HSCB: variants seen among roughly 807,000 people sequenced by gnomAD.
HSCB encodes the protein HscB mitochondrial iron-sulfur cluster cochaperone, also known as iron-sulfur cluster co-chaperone protein HscB.
Under a neutral mutation model 31.3 loss-of-function variants are expected in HSCB, and 23 were observed. The observed-to-expected ratio is 0.74, with a 90% CI of 0.53 to 1.04. The LOEUF (loss-of-function observed/expected upper bound fraction) is 1.04, where lower values mean the gene tolerates loss of function less well. Ranked by LOEUF, HSCB falls within the 50% of genes least tolerant of loss-of-function variation. The pLI, the probability that HSCB is intolerant of heterozygous loss-of-function variation, is 0.00. For synonymous variants in HSCB, 110 were observed against 104.5 expected (o/e 1.05, Z -0.32); for missense variants, 297 against 288.1 (o/e 1.03, Z -0.22).
chr22:28,749,419 A>G (rs2146215320), intron 4 of HSCB, among the ~76,000 whole-genome samples: 1 of 152,198 alleles, frequency 6.6e-6, no homozygotes. Flanking sequence ...AAGCCTTTTT[A>G]AGCTATCTAT....
chr22:28,742,621 T>G, intron 1 of HSCB: 15 of 376,454 alleles, frequency 4.0e-5, no homozygotes, highest in Non-Finnish European at 4.3e-5. Context: ...GAGGGAGATT[T>G]GAGGGGCGGT....
chr22:28,742,486 TC>T (rs1363012627), intron 1 of HSCB, 155 bp downstream of exon 1: 4 of 1,322,978 alleles, frequency 3.0e-6, no homozygotes, highest in Admixed American at 5.7e-5. Context: ...TGTCTTGATT[TC>T]TCAGGAGGAA....
In HSCB at chr22:28,757,422, T is replaced by G. The variant is rs936274470; in HGVS notation, c.*253T>G. ...ATCGCTTAAACCCGTGAGGTGGAGG[T>G]TGCAGTGAGCAGAGATCACGCAACT... is the stretch of plus-strand genomic sequence containing the variant. On this transcript the variant is annotated 3_prime_UTR_variant, in exon 6 of 6. Transcript: ENST00000216027. The G allele has an allele frequency of 1.7e-5, 6 of 343,078 alleles. No homozygotes were observed. The Admixed American group carries it at 1.8e-4, about 10-fold the overall frequency. 21.3% of individuals were successfully genotyped at this position (343,078 alleles called of 1,614,324 possible). A position where few individuals can be genotyped will look rare whatever the true frequency, so the allele number is the denominator to read the frequency against.
At chr22:28,757,014 C>A in intron 5 of HSCB, 64 bp from the exon 6 acceptor site, 1 of 914,146 alleles carries the variant, frequency 1.1e-6, no homozygotes, top group South Asian at 1.3e-5. Flanking sequence ...CTGCCCTAGT[C>A]ATCAGAGTTG....
At chr22:28,752,459 G>T (rs1269404951) in intron 5 of HSCB, among the ~76,000 whole-genome samples, 1 of 150,956 alleles carries the variant, frequency 6.6e-6, no homozygotes, top group African/African-American at 2.4e-5. Context: ...ATTGGGCCGG[G>T]CATGGTTAAT....
At chr22:28,747,871 A>C (rs2029937820) in intron 4 of HSCB, among the ~76,000 whole-genome samples, 2 of 149,732 alleles carry the variant, frequency 1.3e-5, no homozygotes, top group East Asian at 2.0e-4. Context: ...TCCCCTCCCC[A>C]CCTTTCCCCC....
intron 4 of HSCB, among the ~76,000 whole-genome samples, chr22:28,747,624 A>T (rs1226449579): frequency 3.9e-5 from 6 of 152,192 alleles, no homozygotes; most frequent in South Asian, 4.1e-4. Flanking sequence ...TTGATCAAGC[A>T]ACTGGGCACC....
intron 4 of HSCB, among the ~76,000 whole-genome samples, chr22:28,746,310 G>A (rs2146210635): frequency 6.8e-6 from 1 of 147,372 alleles, no homozygotes; most frequent in African/African-American, 2.5e-5. Context: ...GAACCCGAGA[G>A]GCAGAGATTG....
intron 5 of HSCB, among the ~76,000 whole-genome samples, chr22:28,755,568 A>G (rs2030550136): frequency 6.6e-6 from 1 of 152,270 alleles, no homozygotes; most frequent in South Asian, 2.1e-4. Context: ...AGTTTTAACC[A>G]TATATGTACA....
chr22:28,747,907 T>C (rs1454405194), intron 4 of HSCB, among the ~76,000 whole-genome samples: 1 of 151,972 alleles, frequency 6.6e-6, no homozygotes, highest in Admixed American at 6.6e-5. Context: ...CCTCTTAGGC[T>C]GGGTGCAGTG....
intron 3 of HSCB, 28 bp from the exon 4 acceptor site, chr22:28,745,836 T>C (rs1369901795): frequency 1.6e-5 from 26 of 1,581,668 alleles, no homozygotes; most frequent in Non-Finnish European, 2.1e-5. Flanking sequence ...CTTCTTCAAC[T>C]TATTTTTCTT....
rs1394238958 is a variant in HSCB, at chr22:28,744,898, C to T, written c.423+194C>T. Among the ~76,000 whole-genome samples the T allele has an allele frequency of 4.0e-5, 6 of 151,838 alleles. No individual in the cohort carries two copies. The East Asian group carries it at 9.7e-4, about 25-fold the overall frequency. On this transcript the variant is annotated intron_variant, in intron 3 of 5. Coordinates refer to ENST00000216027, the MANE Select transcript of HSCB (RefSeq NM_172002.5). ...AGGAGTTCAAGACCATCCTGGGCAA[C>T]ATGATGACACCCCATTTCTACAAAA...
Position 28,742,438 on chromosome 22 carries a change from T to C in HSCB, c.236+107T>C, listed in dbSNP as rs908192446. The C allele has an allele frequency of 5.4e-6, 8 of 1,493,020 alleles. No homozygotes were observed. The African/African-American group carries it at 9.9e-5, about 18-fold the overall frequency. The allele number at this position is 1,493,020 out of a possible 1,614,324, so 92.5% of individuals were successfully genotyped here. A position where few individuals can be genotyped will look rare whatever the true frequency, so the allele number is the denominator to read the frequency against. On this transcript the variant is annotated intron_variant, in intron 1 of 5. Coordinates refer to ENST00000216027, the MANE Select transcript of HSCB (RefSeq NM_172002.5). ...CTGGCGGAAGAGAAGGCGGGACTGA[T>C]GGGGGGGCGGAGGTCTAGAGAGCAG...
intron 4 of HSCB, among the ~76,000 whole-genome samples, 187 bp downstream of exon 4, chr22:28,746,195 A>T (rs1267445939): frequency 6.6e-6 from 1 of 151,938 alleles, no homozygotes; most frequent in Non-Finnish European, 1.5e-5. Flanking sequence ...AGCCTGGCCA[A>T]CATGGTAAAA....
intron 5 of HSCB, 105 bp from the exon 6 acceptor site, chr22:28,756,973 C>T (rs1025537175): frequency 4.1e-6 from 3 of 739,504 alleles, no homozygotes; most frequent in Non-Finnish European, 7.5e-6. Context: ...TTGATGAGCC[C>T]TCCGGACCCC....
In HSCB at chr22:28,743,990, G is replaced by A. The variant is rs200884085; in HGVS notation, c.333+12G>A. The A allele has an allele frequency of 2.0e-5, 32 of 1,592,734 alleles. No individual in the cohort carries two copies. The East Asian group carries it at 6.5e-4, about 32-fold the overall frequency. ...GCCAGAGGTCTCAGGTAGCTTATTG[G>A]CCAACCCCAATAATCCCCAAATATG... On this transcript the variant is annotated intron_variant, in intron 2 of 5. Transcript: ENST00000216027.
chr22:28,749,538 G>C (rs530291693), intron 4 of HSCB, among the ~76,000 whole-genome samples: 1 of 152,274 alleles, frequency 6.6e-6, no homozygotes, highest in Non-Finnish European at 1.5e-5. Context: ...AAGTTCTGCA[G>C]GAGAAATCAT....
chr22:28,753,654 C>G (rs1356733182), intron 5 of HSCB, among the ~76,000 whole-genome samples: 1 of 149,582 alleles, frequency 6.7e-6, no homozygotes, highest in Admixed American at 6.7e-5. Flanking sequence ...CTAGCTAACA[C>G]GGTGAAACCC....
intron 5 of HSCB, among the ~76,000 whole-genome samples, chr22:28,754,872 T>C (rs1462374700): frequency 6.6e-6 from 1 of 151,058 alleles, no homozygotes; most frequent in East Asian, 2.1e-4. Context: ...CTCAGCTCAC[T>C]GCAACCTCAG....
Sources: gnomAD v4.1 joint callset for allele counts (sites outside exome capture counted in the v4.1 genomes callset) on GRCh38, gnomAD v4.1.1 for gene constraint, MANE v1.5 for transcripts, NCBI Gene and HGNC (gene_info 2026-07-23, HGNC 2026-07-21) for gene names.